OGFR: variants seen among roughly 807,000 people sequenced by gnomAD.
OGFR encodes opioid growth factor receptor.
OGFR carries 18 observed loss-of-function variants against 33.6 expected under a neutral mutation model. The observed-to-expected ratio is 0.54, with a 90% CI of 0.37 to 0.80. The LOEUF (loss-of-function observed/expected upper bound fraction) is 0.80, where lower values mean the gene tolerates loss of function less well. Ranked by LOEUF, OGFR falls within the 30% of genes least tolerant of loss-of-function variation. The probability of loss-of-function intolerance (pLI) is 0.00; values close to 1 mark genes in which losing one functional copy is unlikely to be tolerated. For missense variants in OGFR, 877 were observed against 955.8 expected, an observed-to-expected ratio of 0.92 and a Z score of 1.09; for synonymous variants, 370 against 400.7, an observed-to-expected ratio of 0.92 and a Z score of 0.91.
intron 1 of OGFR, 91 bp downstream of exon 1, chr20:62,805,121 C>T: frequency 2.9e-6 from 3 of 1,043,054 alleles, no homozygotes; most frequent in Non-Finnish European, 3.7e-6. Flanking sequence ...CGGGCGGAGA[C>T]ACCTGGAGCC....
At chr20:62,810,368 C>T in intron 4 of OGFR, 131 bp from the exon 5 acceptor site, 1 of 801,930 alleles carries the variant, frequency 1.2e-6, no homozygotes, top group Non-Finnish European at 2.1e-6. Context: ...CTCCACCTAG[C>T]CACTCCCTCC....
chr20:62,809,902 G>A (rs756143456), intron 4 of OGFR, among the ~76,000 whole-genome samples: 16 of 152,246 alleles, frequency 1.1e-4, no homozygotes, highest in Non-Finnish European at 1.8e-4. Flanking sequence ...AGGAAGGGCT[G>A]CACACAAGCT....
chr20:62,811,451 G>A lies in OGFR; in HGVS notation c.466-11G>A. 2 of 1,610,356 alleles carry A rather than the reference G, an allele frequency of 1.2e-6. No individual in the cohort carries two copies. The highest frequency in any genetic ancestry group is 1.7e-6 in the Non-Finnish European group (2 of 1,179,022). ...GATGGTGCCTGAGCTCTCCAAGGGG[G>A]TCTTTTCCAGGTGTTTAAAAGCTCC... On this transcript the variant is annotated splice_polypyrimidine_tract_variant and intron_variant, in intron 5 of 6. Coordinates refer to ENST00000290291, the MANE Select transcript of OGFR (RefSeq NM_007346.4).
In OGFR at chr20:62,805,392, C is replaced by CCTGGGGCTGGGG. The variant is rs760689585; in HGVS notation, c.171+388_171+399dup. On this transcript the variant is annotated intron_variant, in intron 1 of 6. Coordinates refer to ENST00000290291, the MANE Select transcript of OGFR (RefSeq NM_007346.4). ...GGCGGCCCCTGCGCAGGCCCCGCGG[C>CCTGGGGCTGGGG]CTGGGGCTGGGGCTGGGGCTGGGGC... is the stretch of plus-strand genomic sequence containing the variant. 317 of 154,596 alleles carry CCTGGGGCTGGGG rather than the reference C, an allele frequency of 2.1e-3. 1 individual carries two copies. The highest frequency in any genetic ancestry group is 0.02 in the East Asian group (107 of 5,344). 9.6% of individuals were successfully genotyped at this position (154,596 alleles called of 1,614,324 possible).
In OGFR at chr20:62,809,572, A is replaced by G. The variant is rs756153568; in HGVS notation, c.320-13A>G. ...TGGCTGCCACAGCTGACTTGTCCCC[A>G]TGGGGCTCCCAGGCTGTTTCATTGA... On this transcript the variant is annotated splice_polypyrimidine_tract_variant and intron_variant, in intron 3 of 6. Coordinates refer to ENST00000290291, the MANE Select transcript of OGFR (RefSeq NM_007346.4). The G allele has an allele frequency of 8.1e-6, 13 of 1,608,790 alleles. No individual in the cohort carries two copies. Among genetic ancestry groups the G allele is most frequent in the African/African-American group, 1.3e-5 (1 of 74,928 alleles).
rs1243868824 is a variant in OGFR at position 62,813,246 on chromosome 20, C to T, written c.1631C>T (p.Pro544Leu). 6.5e-7 allele frequency: 1 copy of T among 1,545,870 alleles called. No homozygotes were observed. Among genetic ancestry groups the T allele is most frequent in the Non-Finnish European group, 8.8e-7 (1 of 1,139,412 alleles). ...PAESPSETPG[P>L]RPAGPAGDEP... is the part of the protein sequence containing the mutation. ...GAGAGCCCATCGGAGACCCCAGGCCCCCGCCCAGCAGGACCTGCAGGGGAC... is the reference window on the plus strand; with the variant it reads ...GAGAGCCCATCGGAGACCCCAGGCCTCCGCCCAGCAGGACCTGCAGGGGAC... The change falls in exon 7 of 7, where the codon CCC becomes CTC. Residue 544 changes from proline (P) to leucine (L), a missense_variant. Coordinates refer to ENST00000290291, the MANE Select transcript of OGFR (RefSeq NM_007346.4).
chr20:62,805,849 G>A (rs2147181388), intron 1 of OGFR: 1 of 152,620 alleles, frequency 6.6e-6, no homozygotes, highest in African/African-American at 2.4e-5. Context: ...CCACAGGACG[G>A]TGTGACCCCT....
chr20:62,811,571 G>T lies in OGFR; in HGVS notation c.575G>T (p.Arg192Leu). 2.5e-6 allele frequency: 4 copies of T among 1,602,094 alleles called. No individual in the cohort carries two copies. In the East Asian group the frequency reaches 9.0e-5, roughly 36 times the overall value. ...GACCGAGGCACGGGCACGGTGGGCCGAGCACAGAACTACCAGAAGCGCTTC... is the reference window on the plus strand; with the variant it reads ...GACCGAGGCACGGGCACGGTGGGCCTAGCACAGAACTACCAGAAGCGCTTC... ...LEDRGTGTVG[R>L]AQNYQKRFQN... The change falls in exon 6 of 7, where the codon CGA (arginine) becomes CTA (leucine). Residue 192 changes from arginine to leucine, a missense_variant. Arg to Leu is a moderately radical substitution (Grantham distance 102, BLOSUM62 -2). Around this residue, in one of 3 missense-constraint regions of OGFR, gnomAD observed 760 missense variants for 736.0 expected, o/e 1.03. Coordinates refer to ENST00000290291, the MANE Select transcript of OGFR (RefSeq NM_007346.4).
intron 6 of OGFR, 93 bp from the exon 7 acceptor site, chr20:62,812,137 C>G: frequency 4.4e-6 from 5 of 1,145,580 alleles, no homozygotes; most frequent in Non-Finnish European, 6.0e-6. Context: ...GGGGAGACCT[C>G]GTGGAGCCGG....
In OGFR at chr20:62,810,666, G is replaced by C. The variant is rs1014166203; in HGVS notation, c.465+101G>C. On this transcript the variant is annotated intron_variant, in intron 5 of 6. Coordinates refer to ENST00000290291, the MANE Select transcript of OGFR (RefSeq NM_007346.4). ...TCGCCTCTGGCAGTAGGCATTTGGT[G>C]CCCCCTCAGGGGTCCCTTGGAAGGC... is the stretch of plus-strand genomic sequence containing the variant. 18 of 1,094,266 alleles carry C rather than the reference G, an allele frequency of 1.6e-5. No homozygotes were observed. The Admixed American group carries it at 3.1e-4, about 19-fold the overall frequency. 67.8% of individuals were successfully genotyped at this position (1,094,266 alleles called of 1,614,324 possible).
At chr20:62,808,931 C>T (rs1223129507) in intron 3 of OGFR, among the ~76,000 whole-genome samples, 4 of 144,270 alleles carry the variant, frequency 2.8e-5, no homozygotes, top group Non-Finnish European at 3.0e-5. Context: ...GCCGAGATCT[C>T]GCCACTGCCC....
chr20:62,807,768 C>T, intron 2 of OGFR, 163 bp downstream of exon 2: 1 of 671,084 alleles, frequency 1.5e-6, no homozygotes, highest in South Asian at 1.9e-5. Flanking sequence ...AGATTCAGAG[C>T]CCTGCCCTTC....
chr20:62,807,876 A>C (rs1233197410), intron 2 of OGFR: 1 of 600,064 alleles, frequency 1.7e-6, no homozygotes, highest in African/African-American at 1.9e-5. Flanking sequence ...CGTGATGCAC[A>C]CGTGTGGGGT....
At chr20:62,805,346 G>A (rs993542041) in intron 1 of OGFR, 1 of 179,072 alleles carries the variant, frequency 5.6e-6, no homozygotes, top group East Asian at 1.4e-4. Flanking sequence ...CTCCCGCCTC[G>A]GGCCCGCGCC....
chr20:62,805,991 T>G (rs975895843), intron 1 of OGFR: 13 of 152,742 alleles, frequency 8.5e-5, no homozygotes, highest in African/African-American at 2.9e-4. Flanking sequence ...CTGCTGTGGC[T>G]TCTGTCCACA....
intron 3 of OGFR, among the ~76,000 whole-genome samples, chr20:62,809,117 A>G (rs1191162995): frequency 6.6e-6 from 1 of 152,188 alleles, no homozygotes; most frequent in Non-Finnish European, 1.5e-5. Flanking sequence ...AACGTGAAAC[A>G]GAGACTGGGT....
chr20:62,811,653 A>AC, intron 6 of OGFR, 43 bp downstream of exon 6: 2 of 1,459,478 alleles, frequency 1.4e-6, no homozygotes, highest in African/African-American at 1.4e-5. Flanking sequence ...CCGGCGCAGA[A>AC]CAGGGCCACG....
intron 2 of OGFR, 155 bp downstream of exon 2, chr20:62,807,760 A>G (rs1321363272): frequency 2.8e-6 from 2 of 710,676 alleles, no homozygotes; most frequent in East Asian, 5.4e-5. Context: ...CCTGGTATAG[A>G]TTCAGAGCCC....
At chr20:62,807,265 G>A in intron 1 of OGFR, 1 of 518,446 alleles carries the variant, frequency 1.9e-6, no homozygotes, top group Admixed American at 3.5e-5. Context: ...AGTCCCAAAG[G>A]GGCCTAGAGA....
Sources: allele counts gnomAD v4.1 joint callset (sites outside exome capture counted in the v4.1 genomes callset), GRCh38; gene constraint gnomAD v4.1.1; regional missense constraint gnomAD v4.1.1; transcripts MANE v1.5; gene names NCBI Gene and HGNC (gene_info 2026-07-23, HGNC 2026-07-21).